ZFPM2: variants seen among roughly 807,000 people sequenced by gnomAD.
ZFPM2 encodes the protein zinc finger protein, FOG family member 2, also known as zinc finger protein ZFPM2.
Under a neutral mutation model 98.6 loss-of-function variants are expected in ZFPM2, and 20 were observed. The ratio of observed to expected loss-of-function variants is 0.20; its 90% CI spans 0.14 to 0.29. The LOEUF is 0.29. Among genes scored for constraint, ZFPM2 ranks in the 10% least tolerant of loss-of-function variants. The probability of loss-of-function intolerance (pLI) is 1.00; values close to 1 mark genes in which losing one functional copy is unlikely to be tolerated. For missense variants in ZFPM2, 1,310 were observed against 1,388.6 expected (o/e 0.94, Z 0.90); for synonymous variants, 518 against 502.7 (o/e 1.03, Z -0.41).
chr8:105,742,017 G>T (rs2131034705), intron 5 of ZFPM2, among the ~76,000 whole-genome samples: 1 of 152,026 alleles, frequency 6.6e-6, no homozygotes, highest in Admixed American at 6.6e-5. Context: ...GATAATATTG[G>T]ATTTGAGGTC....
At chr8:105,700,716 C>A (rs1166399763) in intron 5 of ZFPM2, among the ~76,000 whole-genome samples, 1 of 152,146 alleles carries the variant, frequency 6.6e-6, no homozygotes, top group African/African-American at 2.4e-5. Context: ...CTGCCTCAGG[C>A]TCCTGAGTAG....
intron 3 of ZFPM2, among the ~76,000 whole-genome samples, chr8:105,556,289 G>A (rs980287918): frequency 3.9e-5 from 6 of 152,186 alleles, no homozygotes; most frequent in Admixed American, 3.3e-4. Context: ...GGATAAAGGT[G>A]ACAAAGAGGG....
At chr8:105,507,446 A>G (rs1464932226) in intron 3 of ZFPM2, among the ~76,000 whole-genome samples, 2 of 152,244 alleles carry the variant, frequency 1.3e-5, no homozygotes, top group Non-Finnish European at 2.9e-5. Flanking sequence ...TGTAACCACC[A>G]TAATGATTAT....
intron 2 of ZFPM2, among the ~76,000 whole-genome samples, chr8:105,426,698 A>G (rs1470589928): frequency 2.6e-5 from 4 of 152,154 alleles, no homozygotes; most frequent in African/African-American, 7.2e-5. Context: ...CTGTAATCCT[A>G]GCACTTTGGG....
intron 5 of ZFPM2, among the ~76,000 whole-genome samples, chr8:105,719,722 A>G (rs1811611143): frequency 6.6e-6 from 1 of 151,928 alleles, no homozygotes; most frequent in Non-Finnish European, 1.5e-5. Flanking sequence ...TATTGTGTTT[A>G]GCAATGTTGC....
At chr8:105,421,905 G>A in intron 2 of ZFPM2, among the ~76,000 whole-genome samples, 1 of 151,500 alleles carries the variant, frequency 6.6e-6, no homozygotes, top group Non-Finnish European at 1.5e-5. Flanking sequence ...AAATTAGCCG[G>A]GTGTGGTGGT....
chr8:105,614,986 G>T (rs1212086292), intron 4 of ZFPM2, among the ~76,000 whole-genome samples: 2 of 152,204 alleles, frequency 1.3e-5, no homozygotes, highest in Non-Finnish European at 2.9e-5. Flanking sequence ...CTAGTCTAGT[G>T]CAAAACTATT....
At chr8:105,694,153 T>C (rs950270912) in intron 5 of ZFPM2, among the ~76,000 whole-genome samples, 52 of 151,192 alleles carry the variant, frequency 3.4e-4, no homozygotes, top group African/African-American at 1.1e-3. Context: ...CGCCGGCTAA[T>C]TTTTTTGTAT....
At chr8:105,386,528 G>A (rs1810993404) in intron 1 of ZFPM2, among the ~76,000 whole-genome samples, 1 of 152,078 alleles carries the variant, frequency 6.6e-6, no homozygotes, top group African/African-American at 2.4e-5. Flanking sequence ...GCCTTCTGGT[G>A]GGTTCATGGT....
At chr8:105,793,153 G>A (rs139331424) in intron 6 of ZFPM2, among the ~76,000 whole-genome samples, 12,455 of 151,756 alleles carry the variant, frequency 0.082, 689 homozygotes, top group East Asian at 0.21. Flanking sequence ...TATTTTGCTC[G>A]TTAGTTGATG....
At chr8:105,606,053 C>T (rs1816190359) in intron 4 of ZFPM2, among the ~76,000 whole-genome samples, 1 of 152,048 alleles carries the variant, frequency 6.6e-6, no homozygotes. Context: ...ATTTCATTTT[C>T]CATTCTCTCA....
intron 3 of ZFPM2, among the ~76,000 whole-genome samples, chr8:105,529,280 C>T (rs1814242929): frequency 6.6e-6 from 1 of 152,004 alleles, no homozygotes; most frequent in Non-Finnish European, 1.5e-5. Context: ...CCTTAAATGC[C>T]CTACTTCTAC....
intron 5 of ZFPM2, among the ~76,000 whole-genome samples, chr8:105,781,023 T>C (rs1813233674): frequency 6.6e-6 from 1 of 152,250 alleles, no homozygotes; most frequent in Non-Finnish European, 1.5e-5. Flanking sequence ...TTCTACACTA[T>C]GTAAAATGCA....
chr8:105,531,842 T>G (rs1189575381), intron 3 of ZFPM2, among the ~76,000 whole-genome samples: 1 of 152,194 alleles, frequency 6.6e-6, no homozygotes, highest in East Asian at 1.9e-4. Context: ...AAAGAACTTT[T>G]CTGCTACTGT....
At position 105,441,454 on chromosome 8, in the gene ZFPM2, G is replaced by GAGAGAGAGAGAGAGAGAGAAAGAAAGA. The variant is rs1812240131; in HGVS notation, c.200-2825_200-2824insGAGAGAGAGAGAGAGAGAAAGAAAGAA. 2.0e-4 allele frequency among the ~76,000 whole-genome samples: 11 copies of GAGAGAGAGAGAGAGAGAGAAAGAAAGA among 54,366 alleles called. 2 individuals are homozygous for GAGAGAGAGAGAGAGAGAGAAAGAAAGA. Among genetic ancestry groups the GAGAGAGAGAGAGAGAGAGAAAGAAAGA allele is most frequent in the African/African-American group, 1.2e-3 (11 of 8,994 alleles). The allele number at this position is 54,366 out of a possible 152,430, so 35.7% of individuals were successfully genotyped here. Reference sequence around the variant, plus strand: ...AAAGAAAGAGAGAGAGAGAGAGAGAGAAAGAAAGAAAGAAAGAAAGAAAGA... The same window carrying GAGAGAGAGAGAGAGAGAGAAAGAAAGA: ...AAAGAAAGAGAGAGAGAGAGAGAGAGAGAGAGAGAGAGAGAGAGAAAGAAAGAAAAGAAAGAAAGAAAGAAAGAAAGA... On this transcript the variant is annotated intron_variant, in intron 2 of 7. Transcript: ENST00000407775.
At chr8:105,332,376 ATAGCAGATGC>A in intron 1 of ZFPM2, among the ~76,000 whole-genome samples, 1 of 151,768 alleles carries the variant, frequency 6.6e-6, no homozygotes, top group Non-Finnish European at 1.5e-5. Context: ...TACCAGGCAC[ATAGCAGATGC>A]TCAAAGAGTA....
intron 3 of ZFPM2, among the ~76,000 whole-genome samples, chr8:105,483,754 T>TC (rs1462939189): frequency 7.5e-6 from 1 of 133,030 alleles, no homozygotes; most frequent in African/African-American, 3.5e-5. Context: ...TTTTCTTTTC[T>TC]TTTTTTTTTT....
intron 5 of ZFPM2, among the ~76,000 whole-genome samples, chr8:105,710,732 C>T (rs1741237254): frequency 1.4e-5 from 2 of 147,732 alleles, no homozygotes; most frequent in South Asian, 4.3e-4. Flanking sequence ...TATGTGTGTG[C>T]AGTGGTTATT....
Position 105,425,304 on chromosome 8 carries a change from G to T in ZFPM2, c.199+6002G>T, listed in dbSNP as rs181691363. ...GAAGAAAGGCCTGCAGAAAGGAAAGGTTAAGCAGGAAACTGAAACAGGTAA... is the reference window on the plus strand; with the variant it reads ...GAAGAAAGGCCTGCAGAAAGGAAAGTTTAAGCAGGAAACTGAAACAGGTAA... On this transcript the variant is annotated intron_variant, in intron 2 of 7. Coordinates refer to ENST00000407775, the MANE Select transcript of ZFPM2 (RefSeq NM_012082.4). Among the ~76,000 whole-genome samples, 28 of 152,286 alleles carry T rather than the reference G, an allele frequency of 1.8e-4. 1 individual carries two copies. Among genetic ancestry groups the T allele is most frequent in the Admixed American group, 4.6e-4 (7 of 15,292 alleles).
Sources: allele counts gnomAD v4.1 joint callset (sites outside exome capture counted in the v4.1 genomes callset), GRCh38; gene constraint gnomAD v4.1.1; transcripts MANE v1.5; gene names NCBI Gene and HGNC (gene_info 2026-07-23, HGNC 2026-07-21).